Variants in HTR2C observed in about 807,000 individuals in gnomAD.
HTR2C encodes the protein 5-hydroxytryptamine receptor 2C, also known as 5-hydroxytryptamine (serotonin) receptor 2C, G protein-coupled.
In HTR2C, 5 loss-of-function variants were observed where a neutral mutation model predicts 21.0. The ratio of observed to expected loss-of-function variants is 0.24; its 90% CI spans 0.12 to 0.50. HTR2C has a LOEUF of 0.50. HTR2C is among the 20% of genes least tolerant of loss of function. The pLI, the probability that HTR2C is intolerant of heterozygous loss-of-function variation, is 0.98. For missense variants in HTR2C, 271 were observed against 371.2 expected (o/e 0.73, Z 2.22); for synonymous variants, 150 against 145.3 (o/e 1.03, Z -0.23).
chrX:114,604,548 C>T (rs1300368631), intron 1 of HTR2C, among the ~76,000 whole-genome samples: 5 of 109,972 alleles, frequency 4.5e-5, no homozygotes, highest in African/African-American at 9.9e-5. Context: ...CCGAGGCGAT[C>T]GGGCAGTGTC....
At chrX:114,680,808 T>G (rs2147854593) in intron 2 of HTR2C, among the ~76,000 whole-genome samples, 1 of 111,848 alleles carries the variant, frequency 8.9e-6, no homozygotes, top group Non-Finnish European at 1.9e-5. Flanking sequence ...TGGCATATTC[T>G]TAACTCCTTC....
intron 2 of HTR2C, among the ~76,000 whole-genome samples, chrX:114,725,989 A>G (rs1281871843): frequency 4.2e-4 from 46 of 110,610 alleles, no homozygotes; most frequent in African/African-American, 1.4e-3. Context: ...CCCTGCCCCC[A>G]GAGGTGGAGC....
At chrX:114,793,646 A>G (rs938071075) in intron 4 of HTR2C, among the ~76,000 whole-genome samples, 3 of 111,086 alleles carry the variant, frequency 2.7e-5, no homozygotes, top group South Asian at 3.8e-4. Flanking sequence ...ATTGAAAGTC[A>G]GGAGATCTGG....
intron 5 of HTR2C, among the ~76,000 whole-genome samples, chrX:114,887,938 C>T (rs1416996499): frequency 2.7e-5 from 3 of 110,691 alleles, no homozygotes; most frequent in Non-Finnish European, 5.7e-5. Context: ...TGCTTGAACC[C>T]AGGAGGCAGA....
chrX:114,685,263 G>A (rs1931874212), intron 2 of HTR2C, among the ~76,000 whole-genome samples: 1 of 111,756 alleles, frequency 8.9e-6, no homozygotes, highest in Non-Finnish European at 1.9e-5. Flanking sequence ...GTTTCTAAAT[G>A]TCCCAGACTA....
chrX:114,727,122 T>C, intron 3 of HTR2C, 151 bp downstream of exon 3: 5 of 360,147 alleles, frequency 1.4e-5, no homozygotes, highest in Non-Finnish European at 2.3e-5. Context: ...ATTATGGGTG[T>C]TTCCTATTCA....
chrX:114,659,242 A>G (rs1196669324), intron 2 of HTR2C, among the ~76,000 whole-genome samples: 1 of 111,804 alleles, frequency 8.9e-6, no homozygotes, highest in Non-Finnish European at 1.9e-5. Context: ...CACAGGGATT[A>G]TGGGAACTAC....
intron 2 of HTR2C, among the ~76,000 whole-genome samples, chrX:114,632,480 T>C (rs1569479702): frequency 8.9e-6 from 1 of 111,836 alleles, no homozygotes; most frequent in Non-Finnish European, 1.9e-5. Flanking sequence ...ACAAAATGTA[T>C]CAGTTAAAAA....
At chrX:114,858,277 A>G (rs782027772) in intron 5 of HTR2C, among the ~76,000 whole-genome samples, 6 of 111,364 alleles carry the variant, frequency 5.4e-5, no homozygotes, top group Non-Finnish European at 1.1e-4. Context: ...CATTAAATCT[A>G]TAAGTCAGCT....
intron 4 of HTR2C, among the ~76,000 whole-genome samples, chrX:114,770,833 A>C (rs1470299829): frequency 1.4e-4 from 11 of 76,828 alleles, no homozygotes; most frequent in African/African-American, 6.0e-4. Context: ...GTAGGGTCTC[A>C]TTCTGTTGCC....
intron 4 of HTR2C, among the ~76,000 whole-genome samples, chrX:114,828,221 T>TA (rs1217618707): frequency 1.8e-5 from 2 of 111,532 alleles, no homozygotes; most frequent in African/African-American, 6.5e-5. Flanking sequence ...TCTCTACTCT[T>TA]CTATTGAGTC....
chrX:114,694,516 C>T (rs1370576319), intron 2 of HTR2C, among the ~76,000 whole-genome samples: 1 of 53,824 alleles, frequency 1.9e-5, no homozygotes, highest in Non-Finnish European at 3.7e-5. Flanking sequence ...TAGACAGAGT[C>T]TCATTCTTTT....
At chrX:114,891,610 A>T (rs2071259329) in intron 5 of HTR2C, among the ~76,000 whole-genome samples, 1 of 110,045 alleles carries the variant, frequency 9.1e-6, no homozygotes, top group African/African-American at 3.3e-5. Flanking sequence ...ATTTGTAATG[A>T]GATTTAGGAT....
intron 4 of HTR2C, among the ~76,000 whole-genome samples, chrX:114,842,513 G>A (rs2070842491): frequency 8.9e-6 from 1 of 112,088 alleles, no homozygotes; most frequent in Admixed American, 9.5e-5. Context: ...GGAAGAAAGA[G>A]GTTGGGAATG....
At chrX:114,725,449 C>T (rs1232394268) in intron 2 of HTR2C, among the ~76,000 whole-genome samples, 12 of 110,905 alleles carry the variant, frequency 1.1e-4, no homozygotes, top group Non-Finnish European at 2.1e-4. Flanking sequence ...ATCTTCTTTG[C>T]CTTTGGTTTG....
At chrX:114,791,780 C>T (rs2070235133) in intron 4 of HTR2C, among the ~76,000 whole-genome samples, 1 of 111,001 alleles carries the variant, frequency 9.0e-6, no homozygotes, top group Non-Finnish European at 1.9e-5. Context: ...CACACACACA[C>T]ACGCACACAC....
In HTR2C at chrX:114,731,357, A is replaced by G. The variant is rs199898127; in HGVS notation, c.99A>G (p.Ile33Met). ...TTTCTGTGAGCCCAGTAGCAGCTATAGTAACTGACATTTTCAATACCTCCG... is the reference window on the plus strand; with the variant it reads ...TTTCTGTGAGCCCAGTAGCAGCTATGGTAACTGACATTTTCAATACCTCCG... ...SDISVSPVAAIVTDIFNTSDG... is the reference protein window; with the variant it reads ...SDISVSPVAAMVTDIFNTSDG... The change falls in exon 4 of 6, where the codon ATA (isoleucine) becomes ATG (methionine). Residue 33 changes from isoleucine to methionine, a missense_variant. Around this residue, in one of 5 missense-constraint regions of HTR2C, gnomAD observed 57 missense variants for 64.0 expected, o/e 0.89. Transcript: ENST00000276198. 90 of 1,204,856 alleles carry G rather than the reference A, an allele frequency of 7.5e-5. No individual in the cohort carries two copies. The highest frequency in any genetic ancestry group is 2.3e-4 in the Middle Eastern group (1 of 4,361).
intron 4 of HTR2C, among the ~76,000 whole-genome samples, chrX:114,771,728 G>C (rs1556436938): frequency 8.9e-6 from 1 of 111,982 alleles, no homozygotes; most frequent in Admixed American, 9.6e-5. Context: ...CCAACTTCTT[G>C]TTTGTTACAA....
chrX:114,876,421 T>C (rs1237187731), intron 5 of HTR2C, among the ~76,000 whole-genome samples: 1 of 44,072 alleles, frequency 2.3e-5, no homozygotes, highest in Non-Finnish European at 4.2e-5. Context: ...TCTTTTTCTT[T>C]CTTTTTTTTT....
Sources: gnomAD v4.1 joint callset for allele counts (sites outside exome capture counted in the v4.1 genomes callset) on GRCh38, gnomAD v4.1.1 for gene constraint, gnomAD v4.1.1 regional missense constraint, MANE v1.5 for transcripts, NCBI Gene and HGNC (gene_info 2026-07-23, HGNC 2026-07-21) for gene names.